Variants in XPNPEP3 observed in about 807,000 individuals in gnomAD.
XPNPEP3 encodes xaa-Pro aminopeptidase 3.
A neutral mutation model predicts 60.0 loss-of-function variants in XPNPEP3; 41 were observed. That is an observed-to-expected ratio of 0.68 (90% CI 0.53 to 0.89). The LOEUF is 0.89. Among genes scored for constraint, XPNPEP3 ranks in the 40% least tolerant of loss-of-function variants. The pLI is 0.00. For missense variants in XPNPEP3, 598 were observed against 638.9 expected, an observed-to-expected ratio of 0.94 and a Z score of 0.69; for synonymous variants, 212 against 223.2, an observed-to-expected ratio of 0.95 and a Z score of 0.45.
chr22:40,877,958 G>A (rs2058033856), intron 2 of XPNPEP3, among the ~76,000 whole-genome samples: 1 of 152,078 alleles, frequency 6.6e-6, no homozygotes, highest in African/African-American at 2.4e-5. Context: ...TGTAATCCCA[G>A]CATTTTGGGA....
intron 1 of XPNPEP3, among the ~76,000 whole-genome samples, chr22:40,858,987 G>T (rs1184527336): frequency 6.6e-6 from 1 of 152,152 alleles, no homozygotes; most frequent in Non-Finnish European, 1.5e-5. Flanking sequence ...GTTGCCCAAA[G>T]TAAACTTGAA....
At chr22:40,921,019 C>T (rs1235739800) in intron 7 of XPNPEP3, among the ~76,000 whole-genome samples, 1 of 152,090 alleles carries the variant, frequency 6.6e-6, no homozygotes, top group East Asian at 1.9e-4. Context: ...CTCGAACTCC[C>T]GACCTCAGGT....
Position 40,930,892 on chromosome 22 carries a change from A to C in XPNPEP3, c.*4457A>C, listed in dbSNP as rs2058252506. The stretch of plus-strand genomic sequence containing the variant: ...CCAGAGACAGTCTTGCTTTGTCGCC[A>C]GGCTGGAGTGTAGTGGCGCCATCTT... On this transcript the variant is annotated 3_prime_UTR_variant, in exon 10 of 10. Coordinates refer to ENST00000357137, the MANE Select transcript of XPNPEP3 (RefSeq NM_022098.4). 6.6e-6 allele frequency: 1 copy of C among 152,156 alleles called. No homozygotes were observed. Among genetic ancestry groups the C allele is most frequent in the Non-Finnish European group, 1.5e-5 (1 of 68,130 alleles). 9.4% of individuals were successfully genotyped at this position (152,156 alleles called of 1,614,324 possible).
intron 4 of XPNPEP3, among the ~76,000 whole-genome samples, chr22:40,902,444 GT>G: frequency 6.6e-6 from 1 of 152,112 alleles, no homozygotes; most frequent in Non-Finnish European, 1.5e-5. Context: ...TAGAGATGGG[GT>G]TTCACCATGT....
At chr22:40,882,766 T>A (rs8137184) in intron 3 of XPNPEP3, among the ~76,000 whole-genome samples, 16 of 152,116 alleles carry the variant, frequency 1.1e-4, no homozygotes, top group South Asian at 4.1e-4. Context: ...AAAATGAAAG[T>A]ATATAATTTA....
intron 2 of XPNPEP3, among the ~76,000 whole-genome samples, chr22:40,876,862 G>A (rs1053230186): frequency 1.3e-5 from 2 of 152,198 alleles, no homozygotes; most frequent in Non-Finnish European, 2.9e-5. Flanking sequence ...CAAGTTTGGA[G>A]AGTAGTATAC....
At chr22:40,907,742 G>C in intron 5 of XPNPEP3, 93 bp downstream of exon 5, 1 of 1,202,162 alleles carries the variant, frequency 8.3e-7, no homozygotes, top group Non-Finnish European at 1.2e-6. Context: ...TTTTGTGATA[G>C]TGATGACCAG....
intron 2 of XPNPEP3, among the ~76,000 whole-genome samples, chr22:40,872,671 G>A (rs1200630680): frequency 3.3e-5 from 5 of 151,954 alleles, no homozygotes; most frequent in South Asian, 4.2e-4. Flanking sequence ...GGCTAGTCTC[G>A]AACTCCTGAC....
intron 4 of XPNPEP3, among the ~76,000 whole-genome samples, chr22:40,901,056 A>G (rs762325854): frequency 1.3e-5 from 2 of 151,788 alleles, no homozygotes; most frequent in African/African-American, 2.4e-5. Context: ...GGAGTTCAAG[A>G]GCAGCCTGGG....
intron 4 of XPNPEP3, among the ~76,000 whole-genome samples, chr22:40,906,493 G>C (rs540070949): frequency 1.3e-5 from 2 of 151,950 alleles, no homozygotes; most frequent in Non-Finnish European, 2.9e-5. Context: ...TTATACTGTA[G>C]GTCAGTGATT....
intron 4 of XPNPEP3, among the ~76,000 whole-genome samples, chr22:40,894,240 T>A (rs2058099646): frequency 6.6e-6 from 1 of 152,212 alleles, no homozygotes; most frequent in Non-Finnish European, 1.5e-5. Context: ...AAGGGGTATC[T>A]GAGTTAAAGC....
At chr22:40,886,230 C>A in intron 3 of XPNPEP3, 83 bp from the exon 4 acceptor site, 2 of 1,415,854 alleles carry the variant, frequency 1.4e-6, no homozygotes, top group Non-Finnish European at 2.0e-6. Context: ...AGTTTTGACT[C>A]TTGTTCAAGT....
chr22:40,867,782 A>C (rs1212504852), intron 1 of XPNPEP3, among the ~76,000 whole-genome samples: 2 of 152,066 alleles, frequency 1.3e-5, no homozygotes, highest in African/African-American at 4.8e-5. Flanking sequence ...AAAGCATCCA[A>C]ACTGTTGGAG....
At chr22:40,924,958 C>T (rs1048249381) in intron 9 of XPNPEP3, among the ~76,000 whole-genome samples, 2 of 152,114 alleles carry the variant, frequency 1.3e-5, no homozygotes, top group African/African-American at 2.4e-5. Flanking sequence ...CAGTTTGACT[C>T]CTCCAATAAA....
At chr22:40,896,595 T>C (rs2058109091) in intron 4 of XPNPEP3, among the ~76,000 whole-genome samples, 1 of 151,740 alleles carries the variant, frequency 6.6e-6, no homozygotes, top group African/African-American at 2.4e-5. Flanking sequence ...GATCATGCTA[T>C]TGCACTCCAG....
At chr22:40,907,564 T>C (rs1209045153) in intron 4 of XPNPEP3, 23 bp from the exon 5 acceptor site, 1 of 1,609,928 alleles carries the variant, frequency 6.2e-7, no homozygotes, top group African/African-American at 1.3e-5. Flanking sequence ...TCGTGTTCTT[T>C]TCATCCTCCT....
intron 6 of XPNPEP3, among the ~76,000 whole-genome samples, chr22:40,910,583 C>G (rs570778394): frequency 3.0e-4 from 45 of 152,026 alleles, no homozygotes; most frequent in African/African-American, 1.0e-3. Context: ...GTACATGCCT[C>G]TAGTCCATTA....
At chr22:40,922,167 A>G (rs2058218848) in intron 7 of XPNPEP3, among the ~76,000 whole-genome samples, 166 bp from the exon 8 acceptor site, 1 of 152,122 alleles carries the variant, frequency 6.6e-6, no homozygotes, top group Non-Finnish European at 1.5e-5. Flanking sequence ...CTGAGCACCT[A>G]GGACATGATT....
chr22:40,892,978 T>C, intron 4 of XPNPEP3, among the ~76,000 whole-genome samples: 1 of 151,938 alleles, frequency 6.6e-6, no homozygotes, highest in Non-Finnish European at 1.5e-5. Flanking sequence ...TCTGTCATCA[T>C]ATTCTGGTAA....
Sources: allele counts gnomAD v4.1 joint callset (sites outside exome capture counted in the v4.1 genomes callset), GRCh38; gene constraint gnomAD v4.1.1; transcripts MANE v1.5; gene names NCBI Gene and HGNC (gene_info 2026-07-23, HGNC 2026-07-21).